Variants in SNX3 observed in about 807,000 individuals in gnomAD.
SNX3 encodes sorting nexin 3.
In SNX3, 5 loss-of-function variants were observed where a neutral mutation model predicts 17.7. That is an observed-to-expected ratio of 0.28 (90% CI 0.15 to 0.59). The LOEUF (loss-of-function observed/expected upper bound fraction) is 0.59. Ranked by LOEUF, SNX3 falls within the 20% of genes least tolerant of loss-of-function variation. The pLI is 0.88. For synonymous variants in SNX3, 91 were observed against 76.5 expected, an observed-to-expected ratio of 1.19 and a Z score of -0.99; for missense variants, 132 against 206.8, an observed-to-expected ratio of 0.64 and a Z score of 2.22.
At chr6:108,218,471 T>C (rs974667478) in intron 2 of SNX3, among the ~76,000 whole-genome samples, 1 of 152,174 alleles carries the variant, frequency 6.6e-6, no homozygotes, top group Non-Finnish European at 1.5e-5. Context: ...GGTCTGCCAA[T>C]TCCTCAAAAG....
chr6:108,233,555 C>A (rs1221971717), intron 1 of SNX3, among the ~76,000 whole-genome samples: 2 of 152,056 alleles, frequency 1.3e-5, no homozygotes, highest in South Asian at 2.1e-4. Flanking sequence ...TCGAGACCAG[C>A]CTGGCCAACA....
At chr6:108,216,635 T>A (rs1027728449) in intron 2 of SNX3, among the ~76,000 whole-genome samples, 2 of 152,228 alleles carry the variant, frequency 1.3e-5, no homozygotes, top group African/African-American at 4.8e-5. Context: ...AACTGATACA[T>A]ATTTTTCTTT....
At chr6:108,233,076 T>G (rs1775222177) in intron 1 of SNX3, among the ~76,000 whole-genome samples, 1 of 152,254 alleles carries the variant, frequency 6.6e-6, no homozygotes, top group African/African-American at 2.4e-5. Context: ...CTTTATGGTA[T>G]AATTTCCAAA....
At chr6:108,253,516 C>T (rs953930252) in intron 1 of SNX3, among the ~76,000 whole-genome samples, 1 of 151,800 alleles carries the variant, frequency 6.6e-6, no homozygotes, top group Non-Finnish European at 1.5e-5. Flanking sequence ...CTGTGTCTCC[C>T]CTTCCTCCCA....
chr6:108,255,735 AATTT>A (rs1488577019), intron 1 of SNX3, among the ~76,000 whole-genome samples: 4 of 152,162 alleles, frequency 2.6e-5, no homozygotes, highest in African/African-American at 9.7e-5. Flanking sequence ...AAGATTTTAA[AATTT>A]ATTTCTCAGC....
At chr6:108,219,308 T>C (rs1277420068) in intron 2 of SNX3, among the ~76,000 whole-genome samples, 1 of 152,220 alleles carries the variant, frequency 6.6e-6, no homozygotes, top group Non-Finnish European at 1.5e-5. Flanking sequence ...AAAGCCTATG[T>C]ATCAAGACAC....
chr6:108,245,045 A>G (rs1775641601), intron 1 of SNX3, among the ~76,000 whole-genome samples: 2 of 152,088 alleles, frequency 1.3e-5, no homozygotes, highest in Non-Finnish European at 2.9e-5. Flanking sequence ...TGCACCTATC[A>G]ACCCGTCATC....
In SNX3 at chr6:108,233,953, T is replaced by G. The variant is rs373183128; in HGVS notation, c.163-10908A>C. On this transcript the variant is annotated intron_variant, in intron 1 of 3. Transcript: ENST00000230085. The stretch of plus-strand genomic sequence containing the variant: ...GTGGAAGCCAGTTAAAGAATATTGG[T>G]TAAGAAGCTCTATTCAGTAAGTACT... Among the ~76,000 whole-genome samples the G allele has an allele frequency of 1.1e-4, 17 of 152,310 alleles. No homozygotes were observed. In the East Asian group the frequency reaches 2.7e-3, roughly 24 times the overall value.
At chr6:108,226,046 C>CAAAA (rs35559458) in intron 1 of SNX3, among the ~76,000 whole-genome samples, 10 of 63,220 alleles carry the variant, frequency 1.6e-4, no homozygotes, top group Non-Finnish European at 3.2e-4. Flanking sequence ...CCCTCTCTCT[C>CAAAA]AAAAAAAAAA....
At chr6:108,223,746 G>A (rs1019634763) in intron 1 of SNX3, among the ~76,000 whole-genome samples, 9 of 151,128 alleles carry the variant, frequency 6.0e-5, no homozygotes, top group Admixed American at 4.6e-4. Flanking sequence ...CAAGTGATCT[G>A]CTGCCTCGGC....
chr6:108,235,813 A>G (rs1247873851), intron 1 of SNX3, among the ~76,000 whole-genome samples: 4 of 152,050 alleles, frequency 2.6e-5, no homozygotes, highest in Non-Finnish European at 4.4e-5. Context: ...CAAGAATCAC[A>G]TGAAAGCGGA....
At chr6:108,254,751 A>C (rs866480000) in intron 1 of SNX3, among the ~76,000 whole-genome samples, 5 of 152,326 alleles carry the variant, frequency 3.3e-5, no homozygotes, top group Non-Finnish European at 4.4e-5. Context: ...AATCTGGTCC[A>C]GAGTCAAGGG....
At chr6:108,243,935 A>C (rs1373550968) in intron 1 of SNX3, among the ~76,000 whole-genome samples, 1 of 152,208 alleles carries the variant, frequency 6.6e-6, no homozygotes, top group Non-Finnish European at 1.5e-5. Flanking sequence ...TGCCTCAAAA[A>C]TCAAAACAGG....
intron 2 of SNX3, 33 bp downstream of exon 2, chr6:108,222,917 T>C: frequency 8.1e-7 from 1 of 1,230,772 alleles, no homozygotes; most frequent in Non-Finnish European, 1.2e-6. Context: ...TTGGAATGTT[T>C]TGCTTTAAAG....
intron 1 of SNX3, among the ~76,000 whole-genome samples, chr6:108,252,955 G>A (rs533101198): frequency 3.9e-5 from 6 of 152,104 alleles, no homozygotes; most frequent in Admixed American, 2.0e-4. Context: ...TAAACTTCTG[G>A]AAAAAAGAAA....
rs1368058449 is a variant in SNX3 at position 108,260,852 on chromosome 6, G to A, written c.70C>T (p.Pro24Ser). 4 of 1,613,094 alleles carry A rather than the reference G, an allele frequency of 2.5e-6. No individual in the cohort carries two copies. Among genetic ancestry groups the A allele is most frequent in the Non-Finnish European group, 3.4e-6 (4 of 1,179,564 alleles). Residue 24 changes from proline (P) to serine (S), a missense_variant, in exon 1 of 4, where the codon CCC becomes TCC. Pro to Ser is a moderately conservative substitution (Grantham distance 74). This residue lies in a region of SNX3 where 78 missense variants were observed against 88.8 expected (regional missense o/e 0.88). Transcript: ENST00000230085. ...TCGATCTCGAGGAAGTTGCTGGGGG[G>A]TCCGTAGGCGTCATTCAGGTTCTGC... The part of the protein sequence containing the change: ...KPQNLNDAYG[P>S]PSNFLEIDVS...
intron 1 of SNX3, among the ~76,000 whole-genome samples, chr6:108,251,620 T>C (rs1775862353): frequency 6.6e-6 from 1 of 152,166 alleles, no homozygotes; most frequent in African/African-American, 2.4e-5. Context: ...AACCTCTCCA[T>C]GTGGAGAAAA....
intron 1 of SNX3, among the ~76,000 whole-genome samples, chr6:108,256,027 C>G (rs1238642571): frequency 6.6e-6 from 1 of 152,108 alleles, no homozygotes; most frequent in Non-Finnish European, 1.5e-5. Context: ...CCCAGGAGTT[C>G]AAGAGCAGCC....
intron 1 of SNX3, among the ~76,000 whole-genome samples, chr6:108,238,305 A>G (rs1775414969): frequency 6.6e-6 from 1 of 152,172 alleles, no homozygotes; most frequent in Admixed American, 6.5e-5. Flanking sequence ...AAGAGAATTA[A>G]AGAGATGGAA....
Sources: gnomAD v4.1 joint callset for allele counts (sites outside exome capture counted in the v4.1 genomes callset) on GRCh38, gnomAD v4.1.1 for gene constraint, gnomAD v4.1.1 regional missense constraint, MANE v1.5 for transcripts, NCBI Gene and HGNC (gene_info 2026-07-23, HGNC 2026-07-21) for gene names.